The following SMIM7 variants were observed in gnomAD, a reference collection of about 807,000 sequenced individuals.
The protein encoded by SMIM7 is UPF0608 protein C19orf42.
Under a neutral mutation model 13.3 loss-of-function variants are expected in SMIM7, and 12 were observed. The ratio of observed to expected loss-of-function variants is 0.90; its 90% CI spans 0.58 to 1.46. SMIM7 has a LOEUF of 1.46. SMIM7 is among the 40% of genes most tolerant of loss of function. The pLI, the probability that SMIM7 is intolerant of heterozygous loss-of-function variation, is 0.00. For missense variants in SMIM7, 114 were observed against 94.8 expected (o/e 1.20, Z -0.84); for synonymous variants, 36 against 35.8 (o/e 1.01, Z -0.02).
chr19:16,654,173 C>T (rs1417432288), intron 3 of SMIM7, 48 bp from the exon 4 acceptor site: 3 of 1,493,512 alleles, frequency 2.0e-6, no homozygotes, highest in Non-Finnish European at 2.8e-6. Context: ...CATCCCATCC[C>T]TACTGCCACC....
intron 4 of SMIM7, among the ~76,000 whole-genome samples, chr19:16,632,534 CA>C (rs1283389897): frequency 3.6e-5 from 5 of 138,418 alleles, no homozygotes; most frequent in Admixed American, 7.2e-5. Context: ...TAACTGTGAA[CA>C]TTTTTTTTTT....
At chr19:16,651,066 C>A (rs1378094643) in intron 4 of SMIM7, among the ~76,000 whole-genome samples, 1 of 152,216 alleles carries the variant, frequency 6.6e-6, no homozygotes, top group Non-Finnish European at 1.5e-5. Flanking sequence ...TTACCTGATC[C>A]TTCCCCTGTT....
chr19:16,634,856 G>A (rs2086347495), intron 4 of SMIM7: 1 of 147,980 alleles, frequency 6.8e-6, no homozygotes, highest in African/African-American at 2.5e-5. Flanking sequence ...ACATGTAAAT[G>A]TCCATAGCAG....
chr19:16,652,622 T>C (rs2086541994), intron 4 of SMIM7: 3 of 1,304,148 alleles, frequency 2.3e-6, no homozygotes, highest in South Asian at 1.8e-5. Flanking sequence ...ACAGTCTTCC[T>C]GGGAATACAT....
intron 4 of SMIM7, among the ~76,000 whole-genome samples, chr19:16,651,289 C>T (rs2086521429): frequency 6.6e-6 from 1 of 152,202 alleles, no homozygotes; most frequent in Non-Finnish European, 1.5e-5. Flanking sequence ...TGTCACACAA[C>T]TCAACTCCAC....
At position 16,635,928 on chromosome 19, in the gene SMIM7, G is replaced by A. The variant is rs751809448; in HGVS notation, c.*138-4204C>T. ...TATATATATATATATATATATGTAT[G>A]TATACACAATTTGACCCTGTGTTAG... On this transcript the variant is annotated intron_variant and NMD_transcript_variant, in intron 4 of 4. Transcript: ENST00000465250. Among the ~76,000 whole-genome samples the A allele has an allele frequency of 1.1e-3, 147 of 136,672 alleles. 3 individuals are homozygous for A. Among genetic ancestry groups the A allele is most frequent in the Middle Eastern group, 3.7e-3 (1 of 270 alleles). 89.7% of individuals were successfully genotyped at this position (136,672 alleles called of 152,430 possible).
intron 4 of SMIM7, among the ~76,000 whole-genome samples, chr19:16,648,302 G>A (rs928553671): frequency 1.3e-5 from 2 of 152,080 alleles, no homozygotes; most frequent in African/African-American, 4.8e-5. Flanking sequence ...CACCATGCCT[G>A]GCTAATTTTT....
chr19:16,652,902 A>C (rs1326790346), intron 4 of SMIM7: 2 of 1,550,492 alleles, frequency 1.3e-6, no homozygotes, highest in East Asian at 2.4e-5. Context: ...CGTTAACAGT[A>C]GTATCAGAGT....
chr19:16,656,163 A>T (rs2086595299), intron 3 of SMIM7, among the ~76,000 whole-genome samples: 1 of 152,138 alleles, frequency 6.6e-6, no homozygotes. Flanking sequence ...AGGCAGGTGG[A>T]TCACCTGAGG....
rs1401745726 is a variant in SMIM7, at chr19:16,632,641, C to T, written c.*138-917G>A. Among the ~76,000 whole-genome samples, 9 of 150,052 alleles carry T rather than the reference C, an allele frequency of 6.0e-5. No homozygotes were observed. In the South Asian group the frequency reaches 6.3e-4, roughly 10 times the overall value. ...CTACCTCTTGGGTTCAAGTGATTCTCGTGCCTCAGCCTCCTGAGTAGCTGG... is the reference window on the plus strand; with the variant it reads ...CTACCTCTTGGGTTCAAGTGATTCTTGTGCCTCAGCCTCCTGAGTAGCTGG... On this transcript the variant is annotated intron_variant and NMD_transcript_variant, in intron 4 of 4. Coordinates refer to the SMIM7 transcript ENST00000465250.
chr19:16,656,790 T>C (rs2086602086), intron 3 of SMIM7, among the ~76,000 whole-genome samples: 4 of 151,258 alleles, frequency 2.6e-5, no homozygotes, highest in African/African-American at 7.3e-5. Flanking sequence ...TCCCAGCTAA[T>C]AGGGAAGCTG....
rs1392583808 is a variant in SMIM7, at chr19:16,646,224, C to T, written c.*1022G>A. 2 of 151,998 alleles carry T rather than the reference C, an allele frequency of 1.3e-5. No homozygotes were observed. Among genetic ancestry groups the T allele is most frequent in the African/African-American group, 4.8e-5 (2 of 41,356 alleles). 9.4% of individuals were successfully genotyped at this position (151,998 alleles called of 1,614,324 possible). A position where few individuals can be genotyped will look rare whatever the true frequency, so the allele number is the denominator to read the frequency against. The stretch of plus-strand genomic sequence containing the variant: ...GCATATTTACTTTTTTTCCTTCCTC[C>T]AGGTTTACCTCCAAGTCAGGATTTC... On this transcript the variant is annotated 3_prime_UTR_variant, in exon 5 of 5. Coordinates refer to ENST00000487416, the MANE Select transcript of SMIM7 (RefSeq NM_024104.4).
chr19:16,639,212 C>T (rs1374574355), intron 4 of SMIM7, among the ~76,000 whole-genome samples: 9 of 151,552 alleles, frequency 5.9e-5, no homozygotes, highest in Non-Finnish European at 1.2e-4. Context: ...AGCTCCGCCC[C>T]CCCAGGTTCA....
At chr19:16,655,735 G>A (rs928188714) in intron 3 of SMIM7, among the ~76,000 whole-genome samples, 3 of 150,324 alleles carry the variant, frequency 2.0e-5, no homozygotes, top group African/African-American at 7.4e-5. Context: ...GATCTACAAG[G>A]GTGCTACCCG....
downstream of SMIM7, chr19:16,646,060 T>C (rs2086446274): frequency 6.6e-6 from 1 of 151,464 alleles, no homozygotes; most frequent in Non-Finnish European, 1.5e-5. Context: ...AAATGAATCC[T>C]AGGTTTTTCC....
At chr19:16,635,899 A>AAAAAAAAAATATATATAT (rs1200181092) in intron 4 of SMIM7, among the ~76,000 whole-genome samples, 3 of 109,598 alleles carry the variant, frequency 2.7e-5, no homozygotes, top group Admixed American at 9.5e-5. Context: ...AAAAAAAAAA[A>AAAAAAAAAATATATATAT]ATATATATAT....
intron 4 of SMIM7, among the ~76,000 whole-genome samples, chr19:16,650,242 T>C (rs1011208412): frequency 6.6e-6 from 1 of 152,240 alleles, no homozygotes; most frequent in African/African-American, 2.4e-5. Context: ...AATTAACACT[T>C]TGCTGTACCA....
At chr19:16,659,190 G>T in intron 3 of SMIM7, 3 of 635,820 alleles carry the variant, frequency 4.7e-6, no homozygotes, top group Non-Finnish European at 8.4e-6. Context: ...GGCTGAGGTG[G>T]AAGGATCACT....
intron 4 of SMIM7, chr19:16,652,521 A>C: frequency 1.9e-6 from 2 of 1,036,790 alleles, no homozygotes; most frequent in Non-Finnish European, 2.3e-6. Flanking sequence ...ATTTCATGTA[A>C]GTTCCTTGAT....
Sources: gnomAD v4.1 joint callset for allele counts (sites outside exome capture counted in the v4.1 genomes callset) on GRCh38, gnomAD v4.1.1 for gene constraint, MANE v1.5 for transcripts, NCBI Gene and HGNC (gene_info 2026-07-23, HGNC 2026-07-21) for gene names.